Variants in CCDC69 observed in about 807,000 individuals in gnomAD.
The protein encoded by CCDC69 is coiled-coil domain containing 69, also known as coiled-coil domain-containing protein 69.
CCDC69 carries 38 observed loss-of-function variants against 40.3 expected under a neutral mutation model. The observed-to-expected ratio is 0.94, with a 90% CI of 0.73 to 1.24. The LOEUF (loss-of-function observed/expected upper bound fraction) is 1.24. Ranked by LOEUF, CCDC69 falls within the 50% of genes most tolerant of loss-of-function variation. The probability of loss-of-function intolerance (pLI) is 0.00; values close to 1 mark genes in which losing one functional copy is unlikely to be tolerated. For synonymous variants in CCDC69, 141 were observed against 138.9 expected (o/e 1.02, Z -0.11); for missense variants, 389 against 357.9 (o/e 1.09, Z -0.70).
Position 151,219,654 on chromosome 5 carries a change from AT to A in CCDC69, c.48+4268del, listed in dbSNP as rs1448888297. On this transcript the variant is annotated intron_variant, in intron 1 of 8. Transcript: ENST00000355417. ...TATACAGATAGTCATACTCACATCT[AT>A]AATATACATAGGAAAAAATGGTACA... is the stretch of plus-strand genomic sequence containing the variant. Among the ~76,000 whole-genome samples, 4 of 152,362 alleles carry A rather than the reference AT, an allele frequency of 2.6e-5. No individual in the cohort carries two copies. In the East Asian group the frequency reaches 5.8e-4, roughly 22 times the overall value.
intron 4 of CCDC69, among the ~76,000 whole-genome samples, chr5:151,189,179 T>G (rs1035395699): frequency 6.6e-6 from 1 of 152,166 alleles, no homozygotes; most frequent in South Asian, 2.1e-4. Flanking sequence ...CCAAGAAGTA[T>G]GGGTGTTCTG....
At chr5:151,188,615 G>A (rs970869367) in intron 4 of CCDC69, among the ~76,000 whole-genome samples, 30 of 149,650 alleles carry the variant, frequency 2.0e-4, no homozygotes, top group Admixed American at 4.0e-4. Context: ...AAAAAAAGAA[G>A]AAAAAAATAA....
At chr5:151,210,043 A>C (rs569682109) in intron 1 of CCDC69, among the ~76,000 whole-genome samples, 21 of 152,348 alleles carry the variant, frequency 1.4e-4, no homozygotes, top group African/African-American at 5.0e-4. Flanking sequence ...TCATCTACAT[A>C]TACATATGCA....
rs763961802 is a variant in CCDC69 at position 151,184,365 on chromosome 5, C to T, written c.692G>A (p.Arg231His). 98 of 1,613,732 alleles carry T rather than the reference C, an allele frequency of 6.1e-5. No homozygotes were observed. Among genetic ancestry groups the T allele is most frequent in the Non-Finnish European group, 7.8e-5 (92 of 1,179,820 alleles). Residue 231 changes from arginine to histidine, a missense_variant, in exon 8 of 9, where the codon CGC (arginine) becomes CAC (histidine). Physicochemically the swap from Arg to His is conservative, Grantham distance 29. Coordinates refer to ENST00000355417, the MANE Select transcript of CCDC69 (RefSeq NM_015621.3). ...QENEDLHVRS[R>H]NQVVLSRQLS... ...CTACCTTGACAGGACCACCTGGTTGCGGCTTCGGACATGGAGGTCCTCATT... is the reference window on the plus strand; with the variant it reads ...CTACCTTGACAGGACCACCTGGTTGTGGCTTCGGACATGGAGGTCCTCATT...
At chr5:151,194,949 T>A (rs1408648717) in intron 4 of CCDC69, among the ~76,000 whole-genome samples, 1 of 144,960 alleles carries the variant, frequency 6.9e-6, no homozygotes, top group Non-Finnish European at 1.5e-5. Context: ...AAAATGCACA[T>A]CCCCTCAAAA....
At chr5:151,222,415 G>A (rs746346956) in intron 1 of CCDC69, among the ~76,000 whole-genome samples, 7 of 152,186 alleles carry the variant, frequency 4.6e-5, no homozygotes, top group Non-Finnish European at 1.0e-4. Flanking sequence ...GCTCTTCCCC[G>A]TTTCCTCCAC....
Position 151,183,148 on chromosome 5 carries a change from G to A in CCDC69, c.*289C>T, listed in dbSNP as rs567374355. The A allele has an allele frequency of 1.2e-4, 69 of 572,430 alleles. 2 individuals carry two copies. Among genetic ancestry groups the A allele is most frequent in the South Asian group, 4.7e-4 (31 of 65,566 alleles). The allele number at this position is 572,430 out of a possible 1,614,324, so 35.5% of individuals were successfully genotyped here. A position where few individuals can be genotyped will look rare whatever the true frequency, so the allele number is the denominator to read the frequency against. On this transcript the variant is annotated 3_prime_UTR_variant, in exon 9 of 9. Coordinates refer to ENST00000355417, the MANE Select transcript of CCDC69 (RefSeq NM_015621.3). ...CACAGACTGCCCCTGGGAAAGCCTC[G>A]GAACTTCTCGGATTGGGACAGAGTG...
At chr5:151,214,195 A>C (rs1025775644) in intron 1 of CCDC69, among the ~76,000 whole-genome samples, 1 of 152,166 alleles carries the variant, frequency 6.6e-6, no homozygotes, top group African/African-American at 2.4e-5. Flanking sequence ...CTAAGTCTCA[A>C]GGGGCTCAGG....
intron 1 of CCDC69, among the ~76,000 whole-genome samples, chr5:151,220,798 C>T (rs938498475): frequency 2.6e-5 from 4 of 152,092 alleles, no homozygotes; most frequent in South Asian, 2.1e-4. Context: ...CCCCACCCCC[C>T]CTCCGCTTCC....
rs746337448 is a variant in CCDC69, at chr5:151,183,573, T to G, written c.755A>C (p.Glu252Ala). The G allele has an allele frequency of 1.2e-6, 2 of 1,612,596 alleles. No individual in the cohort carries two copies. Among genetic ancestry groups the G allele is most frequent in the African/African-American group, 2.7e-5 (2 of 75,028 alleles). The change falls in exon 9 of 9, where the codon GAG (glutamate) becomes GCG (alanine). Residue 252 changes from glutamate (E) to alanine (A), a missense_variant. Transcript: ENST00000355417. ...EDLLLTREAL[E>A]KEVQLRRQLQ... The stretch of plus-strand genomic sequence containing the variant: ...CTGTCGCCGCAGCTGCACCTCCTTC[T>G]CCAGGGCCTCACGCGTGAGAAGCAG...
intron 1 of CCDC69, among the ~76,000 whole-genome samples, chr5:151,216,587 T>C (rs1452235426): frequency 2.0e-5 from 3 of 151,696 alleles, no homozygotes; most frequent in African/African-American, 7.3e-5. Flanking sequence ...GGCTAATTTT[T>C]GTATTTTTAG....
chr5:151,223,873 C>G, intron 1 of CCDC69, 50 bp downstream of exon 1: 1 of 1,570,134 alleles, frequency 6.4e-7, no homozygotes, highest in Non-Finnish European at 8.7e-7. Flanking sequence ...CGGAGCGATT[C>G]CGCACTCCCC....
chr5:151,187,258 G>A (rs909755922), intron 5 of CCDC69, 128 bp downstream of exon 5: 107 of 717,082 alleles, frequency 1.5e-4, no homozygotes, highest in Middle Eastern at 7.8e-4. Context: ...ATACACAGAA[G>A]GCAATCACCT....
At chr5:151,193,342 CAAA>C (rs35463341) in intron 4 of CCDC69, among the ~76,000 whole-genome samples, 9,731 of 77,308 alleles carry the variant, frequency 0.13, 493 homozygotes, top group East Asian at 0.41. Flanking sequence ...CTCATTTCTA[CAAA>C]AAAAAAAAAA....
chr5:151,214,873 C>T (rs1417053609), intron 1 of CCDC69, among the ~76,000 whole-genome samples: 1 of 152,182 alleles, frequency 6.6e-6, no homozygotes, highest in Non-Finnish European at 1.5e-5. Context: ...TCAGAAGGGC[C>T]TTGAGTGCAA....
chr5:151,215,395 G>C (rs573613662), intron 1 of CCDC69, among the ~76,000 whole-genome samples: 11 of 152,208 alleles, frequency 7.2e-5, no homozygotes, highest in Non-Finnish European at 1.5e-4. Flanking sequence ...AATGGGATAC[G>C]TAAGAGCCCT....
intron 1 of CCDC69, among the ~76,000 whole-genome samples, chr5:151,208,496 C>A (rs1216897807): frequency 2.0e-5 from 3 of 152,216 alleles, no homozygotes; most frequent in Non-Finnish European, 2.9e-5. Context: ...TGGGGCCTCC[C>A]CCAGGTCCTC....
intron 1 of CCDC69, chr5:151,213,012 A>G (rs2114001668): frequency 2.5e-6 from 1 of 399,192 alleles, no homozygotes; most frequent in Admixed American, 2.8e-5. Context: ...GATCTTTTAG[A>G]ACCCTGAACT....
Position 151,182,924 on chromosome 5 carries a change from C to G in CCDC69, c.*513G>C. The G allele has an allele frequency of 2.5e-6, 1 of 402,804 alleles. No individual in the cohort carries two copies. The highest frequency in any genetic ancestry group is 2.1e-5 in the African/African-American group (1 of 48,668). The allele number at this position is 402,804 out of a possible 1,614,324, so 25.0% of individuals were successfully genotyped here. On this transcript the variant is annotated 3_prime_UTR_variant, in exon 9 of 9. Coordinates refer to ENST00000355417, the MANE Select transcript of CCDC69 (RefSeq NM_015621.3). ...ACCCCTACTCTGGCCTTCAGACAATCCTAGAATGGGACACTGCAGTGACAT... is the reference window on the plus strand; with the variant it reads ...ACCCCTACTCTGGCCTTCAGACAATGCTAGAATGGGACACTGCAGTGACAT...
Sources: allele counts gnomAD v4.1 joint callset (sites outside exome capture counted in the v4.1 genomes callset), GRCh38; gene constraint gnomAD v4.1.1; transcripts MANE v1.5; gene names NCBI Gene and HGNC (gene_info 2026-07-23, HGNC 2026-07-21).